Variants in NPAS3 observed in about 807,000 individuals in gnomAD.
NPAS3 encodes the protein neuronal PAS domain protein 3, also known as neuronal PAS domain-containing protein 3.
NPAS3 carries 14 observed loss-of-function variants against 73.1 expected under a neutral mutation model. That is an observed-to-expected ratio of 0.19 (90% CI 0.13 to 0.30). The LOEUF is 0.30. Ranked by LOEUF, NPAS3 falls within the 10% of genes least tolerant of loss-of-function variation. The pLI is 1.00. For synonymous variants in NPAS3, 620 were observed against 541.5 expected (o/e 1.14, Z -2.01); for missense variants, 1,096 against 1,250.0 (o/e 0.88, Z 1.86).
intron 4 of NPAS3, among the ~76,000 whole-genome samples, chr14:33,509,495 T>C (rs2052934861): frequency 1.3e-5 from 2 of 152,062 alleles, no homozygotes; most frequent in Admixed American, 1.3e-4. Flanking sequence ...CTCTGCACCC[T>C]TCTCTTCTAG....
At chr14:33,088,546 C>T (rs1312891693) in intron 2 of NPAS3, among the ~76,000 whole-genome samples, 1 of 152,212 alleles carries the variant, frequency 6.6e-6, no homozygotes, top group Admixed American at 6.5e-5. Context: ...CCAGGAAACT[C>T]GAACTGGGTG....
In NPAS3 at chr14:33,523,275, G is replaced by A. The variant is rs145712754; in HGVS notation, c.469-36846G>A. Among the ~76,000 whole-genome samples the A allele has an allele frequency of 6.6e-4, 100 of 152,146 alleles. 3 individuals carry two copies. The East Asian group carries it at 0.016, about 24-fold the overall frequency. On this transcript the variant is annotated intron_variant, in intron 4 of 11. Transcript: ENST00000356141. Reference sequence around the variant, plus strand: ...ACTGGTTTGATAGAAAGAGAAAACAGCATGACTCAAGGCACAGGGACCAAA... The same window carrying A: ...ACTGGTTTGATAGAAAGAGAAAACAACATGACTCAAGGCACAGGGACCAAA...
In NPAS3 at chr14:33,342,507, A is replaced by G. The variant is rs957457362; in HGVS notation, c.386-24679A>G. On this transcript the variant is annotated intron_variant, in intron 3 of 11. Coordinates refer to ENST00000356141, the Ensembl canonical transcript of NPAS3. Reference sequence around the variant, plus strand: ...AGCTCCTCTGGCCCAGCCTTTCCACATGGCAACCTGCTGGCTTTTATTTCT... The same window carrying G: ...AGCTCCTCTGGCCCAGCCTTTCCACGTGGCAACCTGCTGGCTTTTATTTCT... 1.1e-4 allele frequency among the ~76,000 whole-genome samples: 16 copies of G among 152,356 alleles called. No homozygotes were observed. The East Asian group carries it at 2.7e-3, about 26-fold the overall frequency.
At chr14:33,273,765 G>T (rs939217505) in intron 3 of NPAS3, among the ~76,000 whole-genome samples, 2 of 152,148 alleles carry the variant, frequency 1.3e-5, no homozygotes, top group African/African-American at 4.8e-5. Flanking sequence ...CTACCTGAAG[G>T]CAGGGGTACT....
At chr14:33,656,069 C>T (rs1419176863) in intron 5 of NPAS3, among the ~76,000 whole-genome samples, 3 of 152,136 alleles carry the variant, frequency 2.0e-5, no homozygotes, top group East Asian at 1.9e-4. Context: ...TGCTGTGCTA[C>T]TGAAGCAAAA....
intron 2 of NPAS3, among the ~76,000 whole-genome samples, chr14:33,166,482 G>A (rs1252371718): frequency 6.6e-6 from 1 of 152,102 alleles, no homozygotes; most frequent in Non-Finnish European, 1.5e-5. Context: ...CTCAGTAAGA[G>A]GTAGACTCTT....
intron 6 of NPAS3, among the ~76,000 whole-genome samples, chr14:33,708,233 G>C (rs2060714147): frequency 6.6e-6 from 1 of 152,184 alleles, no homozygotes; most frequent in Admixed American, 6.5e-5. Context: ...GGTGTCCTCG[G>C]AAGAAACCGC....
chr14:33,534,395 TA>T, intron 4 of NPAS3, among the ~76,000 whole-genome samples: 1 of 152,150 alleles, frequency 6.6e-6, no homozygotes, highest in Non-Finnish European at 1.5e-5. Flanking sequence ...TGTATTTCTT[TA>T]CATTGGGAGT....
chr14:33,187,665 C>A (rs1205157045), intron 2 of NPAS3, among the ~76,000 whole-genome samples: 1 of 152,066 alleles, frequency 6.6e-6, no homozygotes, highest in Non-Finnish European at 1.5e-5. Context: ...CTGTGAATAG[C>A]CACTGCACTG....
At chr14:33,215,471 G>A (rs760047617) in intron 3 of NPAS3, 45 bp downstream of exon 3, 2 of 1,602,200 alleles carry the variant, frequency 1.2e-6, no homozygotes, top group African/African-American at 1.3e-5. Flanking sequence ...TGGTCTGTAG[G>A]GGTCTGTAAG....
chr14:33,801,151 A>C (rs2063706895), downstream of NPAS3: 1 of 1,537,656 alleles, frequency 6.5e-7, no homozygotes, highest in African/African-American at 1.4e-5. Flanking sequence ...CGCTTGGAGG[A>C]GGCATCGTCG....
intron 7 of NPAS3, among the ~76,000 whole-genome samples, chr14:33,769,726 C>G (rs898331416): frequency 6.6e-6 from 1 of 151,112 alleles, no homozygotes; most frequent in Admixed American, 6.6e-5. Flanking sequence ...TTCCCTCCAA[C>G]CAGCCCTGAA....
chr14:33,649,472 T>C (rs1319745108), intron 5 of NPAS3, among the ~76,000 whole-genome samples: 3 of 152,218 alleles, frequency 2.0e-5, no homozygotes, highest in Admixed American at 6.5e-5. Flanking sequence ...GTATAAAAGA[T>C]GCTATTCCCA....
chr14:33,463,951 G>A (rs12590352), intron 4 of NPAS3, among the ~76,000 whole-genome samples: 19,850 of 152,062 alleles, frequency 0.13, 1,443 homozygotes, highest in East Asian at 0.23. Flanking sequence ...GGAGGTTTCA[G>A]GTTGGATTCC....
At chr14:33,139,077 C>T (rs2043947261) in intron 2 of NPAS3, among the ~76,000 whole-genome samples, 1 of 152,152 alleles carries the variant, frequency 6.6e-6, no homozygotes, top group Admixed American at 6.6e-5. Flanking sequence ...GACTTACTCC[C>T]AGTGGTTGGG....
chr14:33,302,441 T>C (rs11851231), intron 3 of NPAS3, among the ~76,000 whole-genome samples: 4,312 of 152,156 alleles, frequency 0.028, 164 homozygotes, highest in African/African-American at 0.09. Flanking sequence ...AGAAGAAAAT[T>C]GAAATGAATT....
intron 3 of NPAS3, among the ~76,000 whole-genome samples, chr14:33,296,225 AT>A (rs2042291961): frequency 6.6e-6 from 1 of 152,216 alleles, no homozygotes; most frequent in African/African-American, 2.4e-5. Flanking sequence ...TTTAATTCCT[AT>A]AAGATACTTT....
intron 1 of NPAS3, among the ~76,000 whole-genome samples, chr14:33,007,275 C>T (rs1449833732): frequency 3.3e-5 from 5 of 152,174 alleles, no homozygotes; most frequent in African/African-American, 9.7e-5. Flanking sequence ...CCTAGAAGCA[C>T]GAGTCACTTG....
chr14:33,166,933 CT>C (rs949405366), intron 2 of NPAS3, among the ~76,000 whole-genome samples: 1 of 152,172 alleles, frequency 6.6e-6, no homozygotes, highest in Non-Finnish European at 1.5e-5. Flanking sequence ...AGGCACTGCT[CT>C]TTTCTTACCA....
Sources: allele counts gnomAD v4.1 joint callset (sites outside exome capture counted in the v4.1 genomes callset), GRCh38; gene constraint gnomAD v4.1.1; transcripts MANE v1.5; gene names NCBI Gene and HGNC (gene_info 2026-07-23, HGNC 2026-07-21).